MGAT4C: variants seen among roughly 807,000 people sequenced by gnomAD.
The protein encoded by MGAT4C is MGAT4 family member C.
MGAT4C carries 19 observed loss-of-function variants against 40.1 expected under a neutral mutation model. The ratio of observed to expected loss-of-function variants is 0.47; its 90% CI spans 0.33 to 0.70. The LOEUF (loss-of-function observed/expected upper bound fraction) is 0.70, where lower values mean the gene tolerates loss of function less well. Ranked by LOEUF, MGAT4C falls within the 30% of genes least tolerant of loss-of-function variation. The pLI, the probability that MGAT4C is intolerant of heterozygous loss-of-function variation, is 0.02. For synonymous variants in MGAT4C, 181 were observed against 187.1 expected, an observed-to-expected ratio of 0.97 and a Z score of 0.27; for missense variants, 491 against 563.2, an observed-to-expected ratio of 0.87 and a Z score of 1.30.
At chr12:86,593,754 GA>G (rs1961422157) in intron 2 of MGAT4C, among the ~76,000 whole-genome samples, 1 of 152,162 alleles carries the variant, frequency 6.6e-6, no homozygotes, top group South Asian at 2.1e-4. Context: ...AATAGACTGA[GA>G]TTTTTTTCGG....
At chr12:86,441,534 T>A (rs1029568565) in intron 2 of MGAT4C, among the ~76,000 whole-genome samples, 22 of 122,230 alleles carry the variant, frequency 1.8e-4, no homozygotes, top group African/African-American at 6.9e-4. Flanking sequence ...TGTGTGATAT[T>A]CCCCTTCCTG....
At chr12:86,764,086 G>A (rs7294855) in intron 1 of MGAT4C, among the ~76,000 whole-genome samples, 59,403 of 151,884 alleles carry the variant, frequency 0.39, 11,737 homozygotes, top group Non-Finnish European at 0.42. Context: ...AAGCGCAAGG[G>A]GTCAGGGAGT....
intron 1 of MGAT4C, among the ~76,000 whole-genome samples, chr12:86,760,953 TAACTC>T (rs964259212): frequency 2.0e-5 from 3 of 152,210 alleles, no homozygotes; most frequent in Non-Finnish European, 4.4e-5. Context: ...TAGGAAGAGA[TAACTC>T]AAAGATACAA....
chr12:86,530,594 C>G, intron 2 of MGAT4C, among the ~76,000 whole-genome samples: 1 of 152,164 alleles, frequency 6.6e-6, no homozygotes, highest in Non-Finnish European at 1.5e-5. Flanking sequence ...AGGTCTCCTA[C>G]TTTTCCAGAA....
rs190135600 is a variant in MGAT4C at position 85,956,751 on chromosome 12, C to T, written c.*22538G>A. The T allele has an allele frequency of 6.6e-6, 1 of 152,258 alleles. No individual in the cohort carries two copies. Among genetic ancestry groups the T allele is most frequent in the East Asian group, 1.9e-4 (1 of 5,182 alleles). 9.4% of individuals were successfully genotyped at this position (152,258 alleles called of 1,614,324 possible). On this transcript the variant is annotated 3_prime_UTR_variant, in exon 5 of 5. Transcript: ENST00000611864. Reference sequence around the variant, plus strand: ...TATCCTCAACCAATCTAATCATGCACATGTGAAACAATATCAAAGACTAGA... The same window carrying T: ...TATCCTCAACCAATCTAATCATGCATATGTGAAACAATATCAAAGACTAGA...
At chr12:86,667,590 G>A (rs1964146446) in intron 2 of MGAT4C, among the ~76,000 whole-genome samples, 1 of 152,154 alleles carries the variant, frequency 6.6e-6, no homozygotes, top group Non-Finnish European at 1.5e-5. Context: ...ATTTACTTTT[G>A]CACTGACTTA....
intron 1 of MGAT4C, among the ~76,000 whole-genome samples, chr12:86,834,212 ATATAGG>A (rs56001530): frequency 0.18 from 21,553 of 119,204 alleles, 1,652 homozygotes; most frequent in Middle Eastern, 0.33. Flanking sequence ...ATAGATATAG[ATATAGG>A]TCCATCTATA....
intron 4 of MGAT4C, among the ~76,000 whole-genome samples, chr12:86,268,647 C>T (rs1378878987): frequency 3.2e-5 from 4 of 124,694 alleles, no homozygotes; most frequent in African/African-American, 1.1e-4. Flanking sequence ...CTCAAACAAA[C>T]AAAAGGATAT....
chr12:86,781,468 T>A (rs905710364), intron 1 of MGAT4C, among the ~76,000 whole-genome samples: 3 of 151,824 alleles, frequency 2.0e-5, no homozygotes, highest in African/African-American at 7.3e-5. Context: ...TAAAACCACA[T>A]CTCTTTTTAA....
chr12:86,790,946 A>C (rs181746568), intron 1 of MGAT4C, among the ~76,000 whole-genome samples: 1 of 152,236 alleles, frequency 6.6e-6, no homozygotes, highest in Admixed American at 6.5e-5. Flanking sequence ...CTGTATAACC[A>C]ATTCTCCCAT....
At chr12:86,779,234 TA>T (rs1456718024) in intron 1 of MGAT4C, among the ~76,000 whole-genome samples, 1 of 152,094 alleles carries the variant, frequency 6.6e-6, no homozygotes, top group Non-Finnish European at 1.5e-5. Context: ...TAAAAAATTA[TA>T]AACAATTGAG....
chr12:86,509,519 G>T (rs1173154076), intron 2 of MGAT4C, among the ~76,000 whole-genome samples: 1 of 152,020 alleles, frequency 6.6e-6, no homozygotes, highest in African/African-American at 2.4e-5. Context: ...TGTTCTTTTG[G>T]CTTAGGATTG....
At chr12:86,613,146 T>C (rs1046827166) in intron 2 of MGAT4C, among the ~76,000 whole-genome samples, 1 of 152,172 alleles carries the variant, frequency 6.6e-6, no homozygotes, top group Non-Finnish European at 1.5e-5. Flanking sequence ...TGGGGCTAAA[T>C]GAAAACGATT....
chr12:86,362,863 T>C (rs1955510947), intron 3 of MGAT4C, among the ~76,000 whole-genome samples: 1 of 35,030 alleles, frequency 2.9e-5, no homozygotes. Flanking sequence ...CGAGACTCCA[T>C]CTCAAAAAAA....
chr12:86,104,373 G>A (rs1237259249), intron 1 of MGAT4C, among the ~76,000 whole-genome samples: 3 of 152,072 alleles, frequency 2.0e-5, no homozygotes, highest in Non-Finnish European at 4.4e-5. Flanking sequence ...CTAGGAGACA[G>A]AGGTTACAGT....
rs989551649 is a variant in MGAT4C, at chr12:85,963,956, G to C, written c.*15333C>G. The stretch of plus-strand genomic sequence containing the variant: ...GGGAAAAAATCATATTGGGTAAATA[G>C]TATCACCCCAAAGTGATAGTCAAAA... On this transcript the variant is annotated 3_prime_UTR_variant, in exon 5 of 5. Transcript: ENST00000611864. The C allele has an allele frequency of 4.6e-5, 7 of 151,960 alleles. No individual in the cohort carries two copies. Among genetic ancestry groups the C allele is most frequent in the African/African-American group, 1.7e-4 (7 of 41,402 alleles). 9.4% of individuals were successfully genotyped at this position (151,960 alleles called of 1,614,324 possible).
At chr12:86,801,183 A>G (rs1001081587) in intron 1 of MGAT4C, among the ~76,000 whole-genome samples, 6 of 151,928 alleles carry the variant, frequency 3.9e-5, no homozygotes, top group African/African-American at 1.4e-4. Context: ...ATGGTCTAGA[A>G]AAGGCAATGG....
chr12:86,061,843 G>A (rs1456393531), intron 1 of MGAT4C, among the ~76,000 whole-genome samples: 1 of 152,032 alleles, frequency 6.6e-6, no homozygotes, highest in Non-Finnish European at 1.5e-5. Flanking sequence ...CTCTGGGCAG[G>A]GCATCTCTGA....
chr12:86,483,398 A>AC (rs1275996442), intron 2 of MGAT4C, among the ~76,000 whole-genome samples: 1 of 152,058 alleles, frequency 6.6e-6, no homozygotes, highest in African/African-American at 2.4e-5. Flanking sequence ...ATAACATTTT[A>AC]CCCCCCAAAA....
Sources: allele counts gnomAD v4.1 joint callset (sites outside exome capture counted in the v4.1 genomes callset), GRCh38; gene constraint gnomAD v4.1.1; transcripts MANE v1.5; gene names NCBI Gene and HGNC (gene_info 2026-07-23, HGNC 2026-07-21).